The following PSD variants were observed in gnomAD, a reference collection of about 807,000 sequenced individuals.
PSD encodes PH and SEC7 domain-containing protein 1.
A neutral mutation model predicts 91.6 loss-of-function variants in PSD; 32 were observed. The ratio of observed to expected loss-of-function variants is 0.35; its 90% CI spans 0.26 to 0.47. PSD has a LOEUF of 0.47. Ranked by LOEUF, PSD falls within the 20% of genes least tolerant of loss-of-function variation. The probability of loss-of-function intolerance (pLI) is 1.00; values close to 1 mark genes in which losing one functional copy is unlikely to be tolerated. For missense variants in PSD, 1,099 were observed against 1,373.9 expected (o/e 0.80, Z 3.16); for synonymous variants, 532 against 569.3 (o/e 0.93, Z 0.93).
Position 102,414,157 on chromosome 10 carries a change from G to C in PSD, c.1165C>G (p.Leu389Val), listed in dbSNP as rs754787010. The stretch of plus-strand genomic sequence containing the variant: ...TCAGCCGAGGGGCTCGTCCCAGGTA[G>C]AAAGGGCACAGGTGACTTGAGAGGC... Reference protein sequence around the residue: ...RMPLKSPVPFLPGTSPSADGP... With the variant: ...RMPLKSPVPFVPGTSPSADGP... The change falls in exon 5 of 17, where the codon CTA (leucine) becomes GTA (valine). Residue 389 changes from leucine (L) to valine (V), a missense_variant. By Grantham distance (32) the Leu-to-Val change is conservative. Coordinates refer to ENST00000020673, the MANE Select transcript of PSD (RefSeq NM_002779.5). The surrounding 1 kb of genome is among the most constrained non-coding windows in gnomAD (Gnocchi z 5.6). 1 of 1,613,834 alleles carries C rather than the reference G, an allele frequency of 6.2e-7. No homozygotes were observed. Among genetic ancestry groups the C allele is most frequent in the South Asian group, 1.1e-5 (1 of 91,068 alleles).
In PSD at chr10:102,409,263, G is replaced by A. The variant is rs1195931617; in HGVS notation, c.2091+1595C>T. 2 of 985,246 alleles carry A rather than the reference G, an allele frequency of 2.0e-6. No homozygotes were observed. Among genetic ancestry groups the A allele is most frequent in the Non-Finnish European group, 2.4e-6 (2 of 829,768 alleles). 61.0% of individuals were successfully genotyped at this position (985,246 alleles called of 1,614,324 possible). On this transcript the variant is annotated intron_variant, in intron 10 of 16. Coordinates refer to ENST00000020673, the MANE Select transcript of PSD (RefSeq NM_002779.5). This position sits in a 1 kb window ranked among gnomAD's most constrained non-coding sequence, Gnocchi z 5.7. The stretch of plus-strand genomic sequence containing the variant: ...GCACGGAGTGCGCGGCGGCGGCGGC[G>A]GCGCTGTCTGCTCTGCGGCTTGGCT...
At chr10:102,417,966 C>T (rs1456997053) in intron 1 of PSD, among the ~76,000 whole-genome samples, 1 of 152,042 alleles carries the variant, frequency 6.6e-6, no homozygotes, top group African/African-American at 2.4e-5. Context: ...ACTTTGGCCT[C>T]CCAAAGTGTT....
chr10:102,409,374 G>A lies in PSD; in HGVS notation c.2091+1484C>T. ...GAAATGGAGGCGCCCGATCGCGAAG[G>A]GGGCCCTCCCCGCGCGGCCACGGGG... On this transcript the variant is annotated intron_variant, in intron 10 of 16. Coordinates refer to ENST00000020673, the MANE Select transcript of PSD (RefSeq NM_002779.5). The surrounding 1 kb of genome is among the most constrained non-coding windows in gnomAD (Gnocchi z 5.7). 1 of 985,072 alleles carries A rather than the reference G, an allele frequency of 1.0e-6. No homozygotes were observed. The highest frequency in any genetic ancestry group is 1.2e-6 in the Non-Finnish European group (1 of 829,568). 61.0% of individuals were successfully genotyped at this position (985,072 alleles called of 1,614,324 possible).
chr10:102,413,970 G>A lies in PSD; in HGVS notation c.1352C>T (p.Pro451Leu), dbSNP rs2061449513. Residue 451 changes from proline to leucine, a missense_variant, in exon 5 of 17, where the codon CCC (proline) becomes CTC (leucine). This residue lies in a region of PSD where 631 missense variants were observed against 728.8 expected (regional missense o/e 0.87). Transcript: ENST00000020673. The part of the protein sequence containing the change: ...TFELPPQPPA[P>L]RPDPPAPAPL... The stretch of plus-strand genomic sequence containing the variant: ...GGCGGGAGCTGGTGGGTCGGGCCGG[G>A]GTGCAGGGGGTTGGGGAGGCAGCTC... The A allele has an allele frequency of 2.5e-6, 4 of 1,613,842 alleles. No homozygotes were observed. Among genetic ancestry groups the A allele is most frequent in the Non-Finnish European group, 3.4e-6 (4 of 1,179,864 alleles).
At position 102,414,101 on chromosome 10, in the gene PSD, T is replaced by C; in HGVS notation, c.1221A>G (p.Glu407=). 6.2e-7 allele frequency: 1 copy of C among 1,614,032 alleles called. No homozygotes were observed. Among genetic ancestry groups the C allele is most frequent in the Non-Finnish European group, 8.5e-7 (1 of 1,179,956 alleles). Residue 407 remains glutamate (E), a synonymous_variant, in exon 5 of 17, where the codon GAA becomes GAG. Transcript: ENST00000020673. This position sits in a 1 kb window ranked among gnomAD's most constrained non-coding sequence, Gnocchi z 5.6. ...DGPDSFSCVF[E]AILESHRAKG... is the part of the protein sequence containing the mutation. ...TGGCCCGGTGTGACTCCAGGATGGCTTCGAACACACAACTGAAAGAGTCAG... is the reference window on the plus strand; with the variant it reads ...TGGCCCGGTGTGACTCCAGGATGGCCTCGAACACACAACTGAAAGAGTCAG...
Position 102,416,355 on chromosome 10 carries a change from G to GGCCCAGGGA in PSD, c.654+21_654+29dup. On this transcript the variant is annotated intron_variant, in intron 2 of 16. Transcript: ENST00000020673. The surrounding 1 kb of genome is among the most constrained non-coding windows in gnomAD (Gnocchi z 6.0). ...GGCTGAGCCTTGCCCCTTCACTGGG[G>GGCCCAGGGA]GCCCAGGGAGCCCAGGGGAAGTTGC... The GGCCCAGGGA allele has an allele frequency of 1.3e-6, 2 of 1,574,322 alleles. No homozygotes were observed. The highest frequency in any genetic ancestry group is 2.3e-5 in the South Asian group (2 of 85,930).
chr10:102,402,707 G>A lies in PSD; in HGVS notation c.*493C>T, dbSNP rs551196541. The A allele has an allele frequency of 1.2e-4, 38 of 305,722 alleles. No homozygotes were observed. Among genetic ancestry groups the A allele is most frequent in the Non-Finnish European group, 1.7e-4 (28 of 165,124 alleles). The allele number at this position is 305,722 out of a possible 1,614,324, so 18.9% of individuals were successfully genotyped here. ...GGGAAAGCCAGGCCGTGCTGCCCCC[G>A]GCCCAGGTATGGGGCCTTGGCATGG... On this transcript the variant is annotated 3_prime_UTR_variant, in exon 17 of 17. Coordinates refer to ENST00000020673, the MANE Select transcript of PSD (RefSeq NM_002779.5).
Position 102,416,943 on chromosome 10 carries a change from G to T in PSD, c.96C>A (p.Pro32=). The T allele has an allele frequency of 6.2e-7, 1 of 1,604,058 alleles. No homozygotes were observed. The highest frequency in any genetic ancestry group is 1.1e-5 in the South Asian group (1 of 90,922). Residue 32 remains proline (P), a synonymous_variant, in exon 2 of 17, where the codon CCC becomes CCA. Transcript: ENST00000020673. This position sits in a 1 kb window ranked among gnomAD's most constrained non-coding sequence, Gnocchi z 6.0. ...CATACATGCTGGCTGGGGGGCTCTG[G>T]GGCACCGGGCCTTCGGGGAGCCAGC... The part of the protein sequence containing the change: ...PRRWLPEGPV[P]QSPPASMYGS...
Position 102,417,082 on chromosome 10 carries a change from C to G in PSD, c.-44G>C. ...GCTGGGGGGGCAGGGATGGCGAGGC[C>G]AGGCGGGGAGTAAGGGGGCTGCATG... On this transcript the variant is annotated 5_prime_UTR_variant, in exon 2 of 17. Coordinates refer to ENST00000020673, the MANE Select transcript of PSD (RefSeq NM_002779.5). 3 of 1,212,684 alleles carry G rather than the reference C, an allele frequency of 2.5e-6. No individual in the cohort carries two copies. Among genetic ancestry groups the G allele is most frequent in the Non-Finnish European group, 3.4e-6 (3 of 871,130 alleles). 75.1% of individuals were successfully genotyped at this position (1,212,684 alleles called of 1,614,324 possible). A position where few individuals can be genotyped will look rare whatever the true frequency, so the allele number is the denominator to read the frequency against.
intron 1 of PSD, among the ~76,000 whole-genome samples, chr10:102,418,234 G>T (rs2061508806): frequency 6.6e-6 from 1 of 152,016 alleles, no homozygotes; most frequent in South Asian, 2.1e-4. Context: ...TAACAAGTAT[G>T]TGTGTAATGA....
Position 102,407,204 on chromosome 10 carries a change from ACG to A in PSD, c.2135+17_2135+18del. On this transcript the variant is annotated intron_variant, in intron 11 of 16. Transcript: ENST00000020673. ...CCCCATGCCCCATCCTAGCCCCACC[ACG>A]CAGCCCCGGGACTCACATGGCCCAC... 1 of 1,590,842 alleles carries A rather than the reference ACG, an allele frequency of 6.3e-7. No individual in the cohort carries two copies. Among genetic ancestry groups the A allele is most frequent in the Non-Finnish European group, 8.6e-7 (1 of 1,169,196 alleles).
At position 102,404,528 on chromosome 10, in the gene PSD, C is replaced by CCCA; in HGVS notation, c.2700+54_2700+55insTGG. 6.4e-7 allele frequency: 1 copy of CCCA among 1,573,030 alleles called. No homozygotes were observed. Among genetic ancestry groups the CCCA allele is most frequent in the Non-Finnish European group, 8.6e-7 (1 of 1,159,276 alleles). ...ACGCAGCAGCCTTGAGTGCAGTGGGCCTGAGCCTAACACCCTCCATCCCAC... is the reference window on the plus strand; with the variant it reads ...ACGCAGCAGCCTTGAGTGCAGTGGGCCCACTGAGCCTAACACCCTCCATCCCAC... On this transcript the variant is annotated intron_variant, in intron 15 of 16. Coordinates refer to ENST00000020673, the MANE Select transcript of PSD (RefSeq NM_002779.5). This position sits in a 1 kb window ranked among gnomAD's most constrained non-coding sequence, Gnocchi z 5.7.
intron 10 of PSD, among the ~76,000 whole-genome samples, chr10:102,407,738 A>T (rs2061378545): frequency 6.6e-6 from 1 of 152,042 alleles, no homozygotes; most frequent in Non-Finnish European, 1.5e-5. Context: ...CGACCCCAGG[A>T]TAGGGGACTC....
rs1309964083 is a variant in PSD at position 102,405,551 on chromosome 10, A to G, written c.2136-15T>C. ...CCTCCTCGTCTCTGCAGGTGTGATC[A>G]CCTCAGAGGGGGCTGGCCATGGAGC... On this transcript the variant is annotated splice_polypyrimidine_tract_variant and intron_variant, in intron 11 of 16. Coordinates refer to ENST00000020673, the MANE Select transcript of PSD (RefSeq NM_002779.5). The surrounding 1 kb of genome is among the most constrained non-coding windows in gnomAD (Gnocchi z 5.4). 3 of 1,592,534 alleles carry G rather than the reference A, an allele frequency of 1.9e-6. No individual in the cohort carries two copies. The East Asian group carries it at 6.8e-5, about 36-fold the overall frequency.
chr10:102,403,998 G>A lies in PSD; in HGVS notation c.2701-13C>T, dbSNP rs1030736535. The A allele has an allele frequency of 1.3e-6, 2 of 1,543,016 alleles. No homozygotes were observed. The highest frequency in any genetic ancestry group is 1.8e-4 in the Middle Eastern group (1 of 5,712). Reference sequence around the variant, plus strand: ...GCACCTGCTCCTCCTAGCGGCCAGGGGGAGGCATGGTCATGGTCACTCTGC... The same window carrying A: ...GCACCTGCTCCTCCTAGCGGCCAGGAGGAGGCATGGTCATGGTCACTCTGC... On this transcript the variant is annotated splice_polypyrimidine_tract_variant and intron_variant, in intron 15 of 16. Transcript: ENST00000020673. The surrounding 1 kb of genome is among the most constrained non-coding windows in gnomAD (Gnocchi z 6.7).
At position 102,404,176 on chromosome 10, in the gene PSD, G is replaced by A. The variant is rs548529760; in HGVS notation, c.2701-191C>T. Among the ~76,000 whole-genome samples the A allele has an allele frequency of 3.5e-3, 536 of 152,206 alleles. 1 individual carries two copies. The highest frequency in any genetic ancestry group is 9.2e-3 in the African/African-American group (384 of 41,538). The stretch of plus-strand genomic sequence containing the variant: ...ATCCTGGCTAACACGGTGAAACCCC[G>A]TCTCTACTAAAAATATAAAAAATTA... On this transcript the variant is annotated intron_variant, in intron 15 of 16. Transcript: ENST00000020673. The surrounding 1 kb of genome is among the most constrained non-coding windows in gnomAD (Gnocchi z 5.7).
Position 102,410,784 on chromosome 10 carries a change from G to A in PSD, c.2091+74C>T. On this transcript the variant is annotated intron_variant, in intron 10 of 16. Coordinates refer to ENST00000020673, the MANE Select transcript of PSD (RefSeq NM_002779.5). The surrounding 1 kb of genome is among the most constrained non-coding windows in gnomAD (Gnocchi z 6.0). ...CAAGCCCCAGCCCTGCCCTCCCTCCGACTCTGGACTCCGTCGCCGACTGGG... is the reference window on the plus strand; with the variant it reads ...CAAGCCCCAGCCCTGCCCTCCCTCCAACTCTGGACTCCGTCGCCGACTGGG... 1 of 754,318 alleles carries A rather than the reference G, an allele frequency of 1.3e-6. No homozygotes were observed. Among genetic ancestry groups the A allele is most frequent in the East Asian group, 3.5e-5 (1 of 28,942 alleles). 46.7% of individuals were successfully genotyped at this position (754,318 alleles called of 1,614,324 possible). A position where few individuals can be genotyped will look rare whatever the true frequency, so the allele number is the denominator to read the frequency against.
chr10:102,403,443 G>C lies in PSD; in HGVS notation c.2845-13C>G, dbSNP rs968741274. 6.3e-7 allele frequency: 1 copy of C among 1,592,674 alleles called. No homozygotes were observed. Among genetic ancestry groups the C allele is most frequent in the Admixed American group, 1.7e-5 (1 of 59,314 alleles). On this transcript the variant is annotated splice_polypyrimidine_tract_variant and intron_variant, in intron 16 of 16. Transcript: ENST00000020673. This position sits in a 1 kb window ranked among gnomAD's most constrained non-coding sequence, Gnocchi z 6.7. ...TGTAGCGGGATTTCTGAGGCAGAGGGGCAGGGGCTGTGAGAGCCTCTTCTC... is the reference window on the plus strand; with the variant it reads ...TGTAGCGGGATTTCTGAGGCAGAGGCGCAGGGGCTGTGAGAGCCTCTTCTC...
At position 102,411,707 on chromosome 10, in the gene PSD, C is replaced by T. The variant is rs747257173; in HGVS notation, c.1942G>A (p.Asp648Asn). 1.9e-5 allele frequency: 30 copies of T among 1,611,038 alleles called. No homozygotes were observed. The highest frequency in any genetic ancestry group is 2.5e-5 in the Non-Finnish European group (30 of 1,178,410). The change falls in exon 8 of 17, where the codon GAC becomes AAC. Residue 648 changes from aspartate (D) to asparagine (N), a missense_variant and splice_region_variant. Transcript: ENST00000020673. ...QCNPEALSSE[D>N]GAHTLTCALM... Reference sequence around the variant, plus strand: ...CACCCCTGCTCTCGGAACTCCTCACCCTCTGAGGACAGGGCTTCAGGATTG... The same window carrying T: ...CACCCCTGCTCTCGGAACTCCTCACTCTCTGAGGACAGGGCTTCAGGATTG...
Sources: allele counts gnomAD v4.1 joint callset (sites outside exome capture counted in the v4.1 genomes callset), GRCh38; gene constraint gnomAD v4.1.1; regional missense constraint gnomAD v4.1.1; non-coding constraint Gnocchi (gnomAD v3.1); transcripts MANE v1.5; gene names NCBI Gene and HGNC (gene_info 2026-07-23, HGNC 2026-07-21).